ZNF143: variants seen among roughly 807,000 people sequenced by gnomAD.
ZNF143 encodes SPH-binding factor.
In ZNF143, 49 loss-of-function variants were observed where a neutral mutation model predicts 74.1. The ratio of observed to expected loss-of-function variants is 0.66; its 90% CI spans 0.53 to 0.84. The LOEUF (loss-of-function observed/expected upper bound fraction) is 0.84, where lower values mean the gene tolerates loss of function less well. Among genes scored for constraint, ZNF143 ranks in the 40% least tolerant of loss-of-function variants. ZNF143 has a pLI of 0.00. For missense variants in ZNF143, 637 were observed against 793.4 expected, an observed-to-expected ratio of 0.80 and a Z score of 2.37; for synonymous variants, 304 against 282.8, an observed-to-expected ratio of 1.07 and a Z score of -0.75.
At chr11:9,512,879 T>A (rs780324671) in intron 13 of ZNF143, among the ~76,000 whole-genome samples, 1 of 152,108 alleles carries the variant, frequency 6.6e-6, no homozygotes, top group Non-Finnish European at 1.5e-5. Flanking sequence ...ACTGGATCCA[T>A]GTGAAACACA....
At chr11:9,508,985 A>G in intron 12 of ZNF143, 139 bp downstream of exon 12, 1 of 928,146 alleles carries the variant, frequency 1.1e-6, no homozygotes, top group Non-Finnish European at 1.6e-6. Flanking sequence ...AGCTGCAGTA[A>G]GTGCTATTGA....
chr11:9,486,434 TA>T (rs1847539266), intron 7 of ZNF143, among the ~76,000 whole-genome samples: 1 of 47,062 alleles, frequency 2.1e-5, no homozygotes, highest in African/African-American at 6.9e-5. Context: ...ATATATTATA[TA>T]TATAATATAT....
intron 3 of ZNF143, 24 bp from the exon 4 acceptor site, chr11:9,473,917 A>G: frequency 1.2e-6 from 2 of 1,613,612 alleles, no homozygotes; most frequent in Non-Finnish European, 8.5e-7. Flanking sequence ...GTGCCAATTT[A>G]TTGTCTTGAA....
chr11:9,487,718 A>G (rs1283208739), intron 7 of ZNF143, among the ~76,000 whole-genome samples: 2 of 152,198 alleles, frequency 1.3e-5, no homozygotes, highest in Non-Finnish European at 2.9e-5. Flanking sequence ...GTCATTTTCT[A>G]TACATGGTTT....
chr11:9,504,015 AG>A (rs1292732503), intron 11 of ZNF143, among the ~76,000 whole-genome samples: 2 of 46,124 alleles, frequency 4.3e-5, no homozygotes, highest in African/African-American at 2.1e-4. Context: ...GCTGGAGTGC[AG>A]TGGCGCAATC....
chr11:9,527,474 T>G, intron 15 of ZNF143, 56 bp from the exon 16 acceptor site: 1 of 1,546,798 alleles, frequency 6.5e-7, no homozygotes, highest in Non-Finnish European at 8.9e-7. Flanking sequence ...TCTTTGGCAT[T>G]TTCTTGACTG....
chr11:9,476,648 A>G (rs1856908896), intron 5 of ZNF143, among the ~76,000 whole-genome samples: 1 of 150,998 alleles, frequency 6.6e-6, no homozygotes, highest in East Asian at 1.9e-4. Context: ...CTGGGATTAC[A>G]GGCATGAGCC....
chr11:9,521,583 TTG>T (rs1848931883), intron 14 of ZNF143, among the ~76,000 whole-genome samples: 1 of 150,662 alleles, frequency 6.6e-6, no homozygotes, highest in African/African-American at 2.5e-5. Flanking sequence ...TTTTTTTTTG[TTG>T]TTGTTGTTGT....
Position 9,493,554 on chromosome 11 carries a change from T to C in ZNF143, c.646-1092T>C, listed in dbSNP as rs144036746. On this transcript the variant is annotated intron_variant, in intron 7 of 15. Coordinates refer to ENST00000396602, the MANE Select transcript of ZNF143 (RefSeq NM_003442.6). ...TTTATATTACAAGGAAAAGTCAAAG[T>C]CTTTCTATATTCTTGTCATCTAATG... Among the ~76,000 whole-genome samples, 466 of 152,242 alleles carry C rather than the reference T, an allele frequency of 3.1e-3. 4 individuals are homozygous for C. Among genetic ancestry groups the C allele is most frequent in the African/African-American group, 0.011 (448 of 41,542 alleles).
At chr11:9,475,912 G>GTA (rs1375674299) in intron 5 of ZNF143, among the ~76,000 whole-genome samples, 2 of 55,750 alleles carry the variant, frequency 3.6e-5, no homozygotes, top group Non-Finnish European at 9.4e-5. Flanking sequence ...AAATATATAT[G>GTA]TGTGTGTGTG....
intron 10 of ZNF143, 22 bp from the exon 11 acceptor site, chr11:9,501,069 G>A: frequency 6.2e-7 from 1 of 1,613,788 alleles, no homozygotes; most frequent in South Asian, 1.1e-5. Context: ...ACCATTTAAT[G>A]TATTACCCTT....
At chr11:9,484,529 C>T (rs1847379771) in intron 7 of ZNF143, among the ~76,000 whole-genome samples, 1 of 149,574 alleles carries the variant, frequency 6.7e-6, no homozygotes, top group Non-Finnish European at 1.5e-5. Context: ...CCTTGCTTTT[C>T]TAAGTCTCTT....
chr11:9,478,675 C>G lies in ZNF143; in HGVS notation c.570+89C>G, dbSNP rs1847117794. The G allele has an allele frequency of 2.7e-6, 4 of 1,463,768 alleles. No homozygotes were observed. In the East Asian group the frequency reaches 6.9e-5, roughly 25 times the overall value. The allele number at this position is 1,463,768 out of a possible 1,614,324, so 90.7% of individuals were successfully genotyped here. A position where few individuals can be genotyped will look rare whatever the true frequency, so the allele number is the denominator to read the frequency against. The stretch of plus-strand genomic sequence containing the variant: ...AAGAAAACAAAAAAGTACACCTCAT[C>G]AAAAAAAACCTGGCCAATTTTGGCT... On this transcript the variant is annotated intron_variant, in intron 6 of 15. Transcript: ENST00000396602.
chr11:9,494,305 T>G (rs1847884283), intron 7 of ZNF143, among the ~76,000 whole-genome samples: 1 of 152,122 alleles, frequency 6.6e-6, no homozygotes, highest in Non-Finnish European at 1.5e-5. Context: ...TCTGTATTAT[T>G]GATTGATTGA....
At chr11:9,513,421 A>G (rs1848620363) in intron 13 of ZNF143, among the ~76,000 whole-genome samples, 1 of 152,236 alleles carries the variant, frequency 6.6e-6, no homozygotes, top group Non-Finnish European at 1.5e-5. Context: ...AAGATTATTA[A>G]CCAAGTTTTA....
At chr11:9,511,586 G>A (rs12293254) in intron 12 of ZNF143, among the ~76,000 whole-genome samples, 370 of 151,676 alleles carry the variant, frequency 2.4e-3, no homozygotes, top group African/African-American at 7.5e-3. Context: ...ACAGGTGTGA[G>A]CCACCATACC....
At position 9,527,842 on chromosome 11, in the gene ZNF143, A is replaced by G. The variant is rs1849181835; in HGVS notation, c.*229A>G. ...TACAAGGAAGTATGAAATTAGGGCA[A>G]TACAGTAAATTTTCATGTTACTCTT... On this transcript the variant is annotated 3_prime_UTR_variant, in exon 16 of 16. Coordinates refer to ENST00000396602, the MANE Select transcript of ZNF143 (RefSeq NM_003442.6). 2.4e-6 allele frequency: 1 copy of G among 409,376 alleles called. No homozygotes were observed. Among genetic ancestry groups the G allele is most frequent in the Non-Finnish European group, 4.4e-6 (1 of 228,552 alleles). 25.4% of individuals were successfully genotyped at this position (409,376 alleles called of 1,614,324 possible). A position where few individuals can be genotyped will look rare whatever the true frequency, so the allele number is the denominator to read the frequency against.
At chr11:9,509,928 A>G (rs547134125) in intron 12 of ZNF143, among the ~76,000 whole-genome samples, 1 of 152,330 alleles carries the variant, frequency 6.6e-6, no homozygotes, top group African/African-American at 2.4e-5. Context: ...GTTAATAATA[A>G]TGTACTGTAT....
chr11:9,470,434 G>A (rs1856500338), intron 1 of ZNF143, among the ~76,000 whole-genome samples: 1 of 152,166 alleles, frequency 6.6e-6, no homozygotes, highest in South Asian at 2.1e-4. Flanking sequence ...TTGAGCAGTT[G>A]GGAGGTGCAG....
Sources: gnomAD v4.1 joint callset for allele counts (sites outside exome capture counted in the v4.1 genomes callset) on GRCh38, gnomAD v4.1.1 for gene constraint, MANE v1.5 for transcripts, NCBI Gene and HGNC (gene_info 2026-07-23, HGNC 2026-07-21) for gene names.